SOX5: variants seen among roughly 807,000 people sequenced by gnomAD.
SOX5 encodes SRY-box transcription factor 5, also known as transcription factor SOX-5.
Under a neutral mutation model 92.0 loss-of-function variants are expected in SOX5, and 9 were observed. The observed-to-expected ratio is 0.10, with a 90% CI of 0.06 to 0.17. SOX5 has a LOEUF of 0.17. SOX5 is among the 10% of genes least tolerant of loss of function. The pLI is 1.00. For synonymous variants in SOX5, 344 were observed against 336.3 expected (o/e 1.02, Z -0.25); for missense variants, 642 against 944.5 (o/e 0.68, Z 4.20).
intron 1 of SOX5, among the ~76,000 whole-genome samples, chr12:24,505,121 A>G (rs1371348665): frequency 6.6e-6 from 1 of 152,240 alleles, no homozygotes; most frequent in Non-Finnish European, 1.5e-5. Flanking sequence ...ACATCTGGAA[A>G]AGGCCAGGCA....
At chr12:24,137,441 A>G (rs1950205931) in intron 4 of SOX5, among the ~76,000 whole-genome samples, 1 of 151,980 alleles carries the variant, frequency 6.6e-6, no homozygotes, top group African/African-American at 2.4e-5. Flanking sequence ...GACCAGCCTG[A>G]CCAATGTGAT....
intron 4 of SOX5, among the ~76,000 whole-genome samples, chr12:24,019,083 T>C (rs4963736): frequency 1 from 151,908 of 152,228 alleles, 75,794 homozygotes; most frequent in Middle Eastern, 1. Context: ...AAGCAACCCT[T>C]CCCCTCCACC....
At chr12:24,078,071 A>G (rs1167289693) in intron 4 of SOX5, among the ~76,000 whole-genome samples, 1 of 152,048 alleles carries the variant, frequency 6.6e-6, no homozygotes, top group Non-Finnish European at 1.5e-5. Context: ...CACAGATGAA[A>G]TAACTTCCAT....
At chr12:24,234,082 G>C (rs1008305144) in intron 3 of SOX5, among the ~76,000 whole-genome samples, 3 of 152,176 alleles carry the variant, frequency 2.0e-5, no homozygotes, top group African/African-American at 7.2e-5. Context: ...TATTGTGCTA[G>C]GGCAGTTTCT....
rs1251359111 is a variant in SOX5, at chr12:24,117,345, T to C, written c.-2+95998A>G. On this transcript the variant is annotated intron_variant, in intron 4 of 4. Coordinates refer to the SOX5 transcript ENST00000446891. ...TGAGGAATTGGGGAAAAGGGAACCC[T>C]TGTACACTGTTGGTGGGAATATAAA... Among the ~76,000 whole-genome samples, 6 of 152,292 alleles carry C rather than the reference T, an allele frequency of 3.9e-5. No individual in the cohort carries two copies. The East Asian group carries it at 1.2e-3, about 29-fold the overall frequency.
At chr12:24,133,210 A>T (rs184264161) in intron 4 of SOX5, among the ~76,000 whole-genome samples, 1 of 152,340 alleles carries the variant, frequency 6.6e-6, no homozygotes, top group East Asian at 1.9e-4. Context: ...ACTGCGAGCA[A>T]GTAGATTACT....
chr12:24,029,560 C>G (rs1449034691), intron 4 of SOX5, among the ~76,000 whole-genome samples: 1 of 151,018 alleles, frequency 6.6e-6, no homozygotes, highest in Non-Finnish European at 1.5e-5. Flanking sequence ...CAGGCATAAA[C>G]CACTGAGCCC....
intron 4 of SOX5, among the ~76,000 whole-genome samples, chr12:24,037,908 A>G (rs1956196756): frequency 6.6e-6 from 1 of 152,110 alleles, no homozygotes; most frequent in Non-Finnish European, 1.5e-5. Flanking sequence ...TTTACACAGA[A>G]CACTGATGAA....
At chr12:23,770,040 C>T in intron 3 of SOX5, among the ~76,000 whole-genome samples, 1 of 140,794 alleles carries the variant, frequency 7.1e-6, no homozygotes, top group Non-Finnish European at 1.5e-5. Context: ...AAGTTAAATG[C>T]TCCCTCTGTT....
chr12:24,494,145 G>A (rs1369758288), intron 1 of SOX5, among the ~76,000 whole-genome samples: 1 of 152,204 alleles, frequency 6.6e-6, no homozygotes, highest in Admixed American at 6.5e-5. Context: ...ACACTGACGT[G>A]TAGAACATAT....
chr12:24,530,494 T>A (rs1951094433), intron 1 of SOX5, among the ~76,000 whole-genome samples: 1 of 151,944 alleles, frequency 6.6e-6, no homozygotes, highest in South Asian at 2.1e-4. Flanking sequence ...CTACTAAACA[T>A]ACAAAAAATT....
chr12:24,545,721 A>G (rs1227950246), intron 1 of SOX5, among the ~76,000 whole-genome samples: 1 of 152,206 alleles, frequency 6.6e-6, no homozygotes, highest in African/African-American at 2.4e-5. Context: ...TTGCTCTCCC[A>G]GCTGCCAGGA....
intron 8 of SOX5, among the ~76,000 whole-genome samples, chr12:23,629,175 C>T (rs911911291): frequency 1.2e-4 from 19 of 152,010 alleles, no homozygotes; most frequent in African/African-American, 4.1e-4. Context: ...AATCACTGAA[C>T]TCAGCAAAAT....
At chr12:24,163,880 AGC>A in intron 4 of SOX5, among the ~76,000 whole-genome samples, 2 of 152,038 alleles carry the variant, frequency 1.3e-5, no homozygotes, top group African/African-American at 4.8e-5. Flanking sequence ...GGCAGAGAAA[AGC>A]AGCAGAATGC....
chr12:24,385,943 AAAGAG>A (rs1479970415), intron 1 of SOX5, among the ~76,000 whole-genome samples: 8 of 150,018 alleles, frequency 5.3e-5, no homozygotes, highest in African/African-American at 7.3e-5. Flanking sequence ...AAAAAAAAAA[AAAGAG>A]AGAGAGATTT....
chr12:23,805,549 A>G (rs1288428940), intron 3 of SOX5, among the ~76,000 whole-genome samples: 1 of 152,134 alleles, frequency 6.6e-6, no homozygotes, highest in African/African-American at 2.4e-5. Flanking sequence ...TTTTATTCCT[A>G]TTCCCAACCA....
chr12:23,963,033 G>A (rs1297423669), intron 4 of SOX5, among the ~76,000 whole-genome samples: 1 of 152,080 alleles, frequency 6.6e-6, no homozygotes, highest in East Asian at 1.9e-4. Flanking sequence ...ATATTCTAGA[G>A]GCATGGCAGG....
intron 2 of SOX5, among the ~76,000 whole-genome samples, chr12:23,874,664 G>A (rs1042618154): frequency 1.3e-5 from 2 of 152,108 alleles, no homozygotes; most frequent in African/African-American, 4.8e-5. Context: ...CCAAGATGAT[G>A]CAGATCCTAA....
chr12:23,762,506 T>C (rs2094589533), intron 3 of SOX5: 2 of 449,694 alleles, frequency 4.4e-6, no homozygotes, highest in African/African-American at 4.0e-5. Flanking sequence ...TTTTTATATG[T>C]GATTGTCCTG....
Sources: allele counts gnomAD v4.1 joint callset (sites outside exome capture counted in the v4.1 genomes callset), GRCh38; gene constraint gnomAD v4.1.1; transcripts MANE v1.5; gene names NCBI Gene and HGNC (gene_info 2026-07-23, HGNC 2026-07-21).